The following KRT72 variants were observed in gnomAD, a reference collection of about 807,000 sequenced individuals.
The protein encoded by KRT72 is keratin 72, also known as keratin, type II cytoskeletal 72.
Under a neutral mutation model 44.7 loss-of-function variants are expected in KRT72, and 44 were observed. The ratio of observed to expected loss-of-function variants is 0.98; its 90% CI spans 0.77 to 1.27. The LOEUF is 1.27. KRT72 is among the 50% of genes most tolerant of loss of function. The pLI, the probability that KRT72 is intolerant of heterozygous loss-of-function variation, is 0.00. For missense variants in KRT72, 736 were observed against 667.1 expected, an observed-to-expected ratio of 1.10 and a Z score of -1.14; for synonymous variants, 302 against 280.4, an observed-to-expected ratio of 1.08 and a Z score of -0.77.
intron 6 of KRT72, among the ~76,000 whole-genome samples, chr12:52,589,398 G>T (rs938908129): frequency 6.6e-6 from 1 of 152,132 alleles, no homozygotes; most frequent in Non-Finnish European, 1.5e-5. Flanking sequence ...CCACCCTTGG[G>T]ACTGTAGAAG....
chr12:52,601,085 G>T lies in KRT72; in HGVS notation c.368C>A (p.Ala123Asp). Residue 123 changes from alanine to aspartate, a missense_variant, in exon 1 of 9, where the codon GCC (alanine) becomes GAC (aspartate). Transcript: ENST00000293745. The stretch of plus-strand genomic sequence containing the variant: ...CGCCTTGATCTGCTCCCGCTCCTGG[G>T]CGCGCACCCTCTGGATCTCGGGGTC... ...EMDPEIQRVR[A>D]QEREQIKALN... The T allele has an allele frequency of 6.2e-7, 1 of 1,612,424 alleles. No homozygotes were observed. The highest frequency in any genetic ancestry group is 1.3e-5 in the African/African-American group (1 of 74,796).
intron 3 of KRT72, 139 bp from the exon 4 acceptor site, chr12:52,592,630 C>T (rs1415852199): frequency 2.9e-6 from 2 of 680,808 alleles, no homozygotes; most frequent in African/African-American, 1.8e-5. Flanking sequence ...CCCTTCAGTC[C>T]CTGAGAGTAA....
chr12:52,587,379 AC>A (rs1220965889), intron 7 of KRT72, among the ~76,000 whole-genome samples: 2 of 152,080 alleles, frequency 1.3e-5, no homozygotes, highest in Non-Finnish European at 2.9e-5. Context: ...ACAAAAATGC[AC>A]CATGAACGGT....
At chr12:52,600,926 T>G in intron 1 of KRT72, 101 bp downstream of exon 1, 1 of 1,312,564 alleles carries the variant, frequency 7.6e-7, no homozygotes, top group South Asian at 1.4e-5. Context: ...CTCGGAGAGG[T>G]TATGACCCGC....
chr12:52,598,174 T>TC (rs1194513915), intron 2 of KRT72, among the ~76,000 whole-genome samples: 1 of 152,242 alleles, frequency 6.6e-6, no homozygotes, highest in South Asian at 2.1e-4. Context: ...GTCTCCTCCT[T>TC]CCTTAGGTTC....
chr12:52,585,772 C>T lies in KRT72; in HGVS notation c.*210G>A, dbSNP rs1310155232. ...CATTTCAGGCAATGACCCAACGAAA[C>T]GGGACCAAGAAGGAGGCCACTGAGA... On this transcript the variant is annotated 3_prime_UTR_variant, in exon 9 of 9. Transcript: ENST00000293745. 19 of 548,232 alleles carry T rather than the reference C, an allele frequency of 3.5e-5. No individual in the cohort carries two copies. Among genetic ancestry groups the T allele is most frequent in the East Asian group, 1.8e-4 (6 of 33,146 alleles). 34.0% of individuals were successfully genotyped at this position (548,232 alleles called of 1,614,324 possible).
intron 2 of KRT72, among the ~76,000 whole-genome samples, chr12:52,596,749 G>A (rs1430014004): frequency 6.6e-6 from 1 of 151,834 alleles, no homozygotes; most frequent in Non-Finnish European, 1.5e-5. Context: ...ACAGGGTTTC[G>A]CCATGTTGGC....
chr12:52,601,946 C>A (rs546836685), upstream of KRT72, among the ~76,000 whole-genome samples: 1 of 152,328 alleles, frequency 6.6e-6, no homozygotes, highest in East Asian at 1.9e-4. Flanking sequence ...GCCTGTCCTC[C>A]TCCTGCCTCC....
chr12:52,589,201 T>G (rs1177979765), intron 6 of KRT72, among the ~76,000 whole-genome samples: 1 of 152,130 alleles, frequency 6.6e-6, no homozygotes, highest in African/African-American at 2.4e-5. Flanking sequence ...TGGAGCCACA[T>G]TTGCTTCACA....
chr12:52,586,996 A>G lies in KRT72; in HGVS notation c.1311-16T>C. ...GCCAGACATCCTGAAGAAGGAGAAG[A>G]AAAACAGGTAAATCCCCCATAAATA... On this transcript the variant is annotated splice_polypyrimidine_tract_variant and intron_variant, in intron 7 of 8. Transcript: ENST00000293745. The G allele has an allele frequency of 1.2e-6, 2 of 1,612,840 alleles. No homozygotes were observed. Among genetic ancestry groups the G allele is most frequent in the South Asian group, 2.2e-5 (2 of 91,052 alleles).
intron 8 of KRT72, 137 bp from the exon 9 acceptor site, chr12:52,586,309 GT>G (rs1388746538): frequency 6.2e-6 from 4 of 648,656 alleles, no homozygotes; most frequent in African/African-American, 5.5e-5. Flanking sequence ...TCTGTTGTGT[GT>G]TTCAGTCTAC....
intron 4 of KRT72, 115 bp from the exon 5 acceptor site, chr12:52,591,743 C>CTCTG: frequency 9.5e-7 from 1 of 1,057,114 alleles, no homozygotes; most frequent in South Asian, 1.6e-5. Flanking sequence ...AGCGTTTGAA[C>CTCTG]TCTGCCTCAG....
intron 7 of KRT72, 45 bp downstream of exon 7, chr12:52,587,586 G>T: frequency 6.2e-7 from 1 of 1,601,372 alleles, no homozygotes; most frequent in Non-Finnish European, 8.6e-7. Context: ...TCCTACCAAA[G>T]CAGAGAGAAA....
chr12:52,586,875 G>T, intron 8 of KRT72, 71 bp downstream of exon 8: 1 of 1,404,228 alleles, frequency 7.1e-7, no homozygotes, highest in Non-Finnish European at 1.0e-6. Context: ...TCTCTTTTGT[G>T]TCATGAATTA....
intron 1 of KRT72, among the ~76,000 whole-genome samples, chr12:52,599,934 A>G (rs1940358190): frequency 6.6e-6 from 1 of 151,930 alleles, no homozygotes; most frequent in African/African-American, 2.4e-5. Flanking sequence ...GTAAATGAGA[A>G]TCACTTGGGA....
chr12:52,591,458 G>C lies in KRT72; in HGVS notation c.963+6C>G. 1.2e-6 allele frequency: 2 copies of C among 1,612,314 alleles called. No homozygotes were observed. Among genetic ancestry groups the C allele is most frequent in the Admixed American group, 1.7e-5 (1 of 60,014 alleles). ...GTGGGACTCAGCACACCTGGCACCA[G>C]CTCACCTTGGTCTGGTACAGGGTCT... is the stretch of plus-strand genomic sequence containing the variant. On this transcript the variant is annotated splice_donor_region_variant and intron_variant, in intron 5 of 8. Transcript: ENST00000293745.
chr12:52,591,469 T>C lies in KRT72; in HGVS notation c.958A>G (p.Thr320Ala), dbSNP rs751015842. The C allele has an allele frequency of 1.2e-6, 2 of 1,613,254 alleles. No homozygotes were observed. Among genetic ancestry groups the C allele is most frequent in the Non-Finnish European group, 1.7e-6 (2 of 1,179,394 alleles). Residue 320 changes from threonine to alanine, a missense_variant, in exon 5 of 9, where the codon ACC becomes GCC. Physicochemically the swap from Thr to Ala is moderately conservative, Grantham distance 58. Transcript: ENST00000293745. ...SKAEAETLYQ[T>A]KIQELQVTAG... Reference sequence around the variant, plus strand: ...CACACCTGGCACCAGCTCACCTTGGTCTGGTACAGGGTCTCAGCCTCGGCC... The same window carrying C: ...CACACCTGGCACCAGCTCACCTTGGCCTGGTACAGGGTCTCAGCCTCGGCC...
chr12:52,590,734 G>A, intron 6 of KRT72, 102 bp downstream of exon 6: 1 of 1,090,240 alleles, frequency 9.2e-7, no homozygotes, highest in East Asian at 2.5e-5. Flanking sequence ...AATTAGAGGA[G>A]GCCCTAAGGA....
intron 5 of KRT72, 144 bp downstream of exon 5, chr12:52,591,320 C>T (rs1278007382): frequency 2.3e-6 from 2 of 868,666 alleles, no homozygotes; most frequent in Non-Finnish European, 3.4e-6. Context: ...TTCCGCAAGG[C>T]CCAACTTCAA....
Sources: gnomAD v4.1 joint callset for allele counts (sites outside exome capture counted in the v4.1 genomes callset) on GRCh38, gnomAD v4.1.1 for gene constraint, MANE v1.5 for transcripts, NCBI Gene and HGNC (gene_info 2026-07-23, HGNC 2026-07-21) for gene names.